Variants in CAMK2D observed in about 807,000 individuals in gnomAD.
CAMK2D encodes the protein calcium/calmodulin-dependent protein kinase type II subunit delta.
A neutral mutation model predicts 84.0 loss-of-function variants in CAMK2D; 37 were observed. The observed-to-expected ratio is 0.44, with a 90% CI of 0.34 to 0.58. The LOEUF (loss-of-function observed/expected upper bound fraction) is 0.58, where lower values mean the gene tolerates loss of function less well. Among genes scored for constraint, CAMK2D ranks in the 20% least tolerant of loss-of-function variants. CAMK2D has a pLI of 0.02. For missense variants in CAMK2D, 448 were observed against 652.5 expected (o/e 0.69, Z 3.41); for synonymous variants, 202 against 212.5 (o/e 0.95, Z 0.43).
At chr4:113,659,169 T>C (rs1033623253) in intron 3 of CAMK2D, among the ~76,000 whole-genome samples, 18 of 152,178 alleles carry the variant, frequency 1.2e-4, no homozygotes, top group African/African-American at 3.9e-4. Context: ...CTAGTTTCAT[T>C]ATCCACAAAA....
In CAMK2D at chr4:113,541,429, A is replaced by G. The variant is rs889860904; in HGVS notation, c.415-3986T>C. Among the ~76,000 whole-genome samples the G allele has an allele frequency of 2.6e-5, 4 of 152,348 alleles. No homozygotes were observed. In the South Asian group the frequency reaches 8.3e-4, roughly 32 times the overall value. Reference sequence around the variant, plus strand: ...AACTTATGAAAAAAACATAGTTTTAACCTTGCTTTACCAATTATCATAATC... The same window carrying G: ...AACTTATGAAAAAAACATAGTTTTAGCCTTGCTTTACCAATTATCATAATC... On this transcript the variant is annotated intron_variant, in intron 6 of 20. Transcript: ENST00000511664.
intron 5 of CAMK2D, chr4:113,548,816 T>A: frequency 3.1e-6 from 2 of 655,142 alleles, no homozygotes; most frequent in Non-Finnish European, 2.7e-6. Context: ...AAAGTCCCAA[T>A]GAAACAAACA....
At chr4:113,547,404 T>A (rs2098587184) in intron 6 of CAMK2D, among the ~76,000 whole-genome samples, 1 of 152,180 alleles carries the variant, frequency 6.6e-6, no homozygotes, top group Admixed American at 6.5e-5. Flanking sequence ...AAATATAGCA[T>A]CCTATTTATT....
In CAMK2D at chr4:113,617,908, T is replaced by TCATACACACACACACATA. The variant is rs11272530; in HGVS notation, c.221-8703_221-8702insTATGTGTGTGTGTGTATG. Among the ~76,000 whole-genome samples the TCATACACACACACACATA allele has an allele frequency of 5.5e-4, 83 of 150,176 alleles. 1 individual carries two copies. Among genetic ancestry groups the TCATACACACACACACATA allele is most frequent in the Middle Eastern group, 3.5e-3 (1 of 288 alleles). ...TTGCTTTGTGAAACTTTTGCTTGGGTCATACACACACACTCACACAACACA... is the reference window on the plus strand; with the variant it reads ...TTGCTTTGTGAAACTTTTGCTTGGGTCATACACACACACACATACATACACACACACTCACACAACACA... On this transcript the variant is annotated intron_variant, in intron 3 of 20. Transcript: ENST00000511664.
In CAMK2D at chr4:113,564,073, C is replaced by A. The variant is rs191567237; in HGVS notation, c.276-11977G>T. ...TGTGACTATTAAATGTCTACTTTTC[C>A]ATTTATAAAATGTTCCCTATATTAA... On this transcript the variant is annotated intron_variant, in intron 4 of 20. Coordinates refer to ENST00000511664, the MANE Select transcript of CAMK2D (RefSeq NM_001321571.2). Among the ~76,000 whole-genome samples the A allele has an allele frequency of 3.3e-5, 5 of 152,186 alleles. No individual in the cohort carries two copies. The East Asian group carries it at 9.7e-4, about 29-fold the overall frequency.
At chr4:113,478,556 T>C (rs2097659358) in intron 16 of CAMK2D, among the ~76,000 whole-genome samples, 1 of 152,208 alleles carries the variant, frequency 6.6e-6, no homozygotes, top group Non-Finnish European at 1.5e-5. Context: ...ACACTCTTCC[T>C]ACATTGGTCA....
intron 16 of CAMK2D, among the ~76,000 whole-genome samples, chr4:113,470,079 C>G (rs1443602665): frequency 6.6e-6 from 1 of 152,014 alleles, no homozygotes; most frequent in Non-Finnish European, 1.5e-5. Context: ...CTTCTAAAAC[C>G]TTCTCACTGC....
At chr4:113,703,291 T>A (rs2154349613) in intron 2 of CAMK2D, among the ~76,000 whole-genome samples, 1 of 152,156 alleles carries the variant, frequency 6.6e-6, no homozygotes, top group East Asian at 1.9e-4. Context: ...ACAGTAAAAT[T>A]TTAAAAATAG....
chr4:113,484,851 C>T (rs1369912139), intron 16 of CAMK2D, among the ~76,000 whole-genome samples: 3 of 152,148 alleles, frequency 2.0e-5, no homozygotes, highest in Non-Finnish European at 2.9e-5. Flanking sequence ...ATGATTCCTG[C>T]AGATGTAAGA....
intron 3 of CAMK2D, among the ~76,000 whole-genome samples, chr4:113,618,102 T>C (rs1294575773): frequency 3.3e-5 from 5 of 152,140 alleles, no homozygotes; most frequent in African/African-American, 9.7e-5. Context: ...CATTCCTGGA[T>C]GAATATGGCT....
In CAMK2D at chr4:113,513,408, TATGC is replaced by T. The variant is rs752786694; in HGVS notation, c.904-42_904-39del. ...TTAGAACACAAAAGTCAGTGTTGCC[TATGC>T]AAATTCTGGACCTAACAAATATAGA... On this transcript the variant is annotated intron_variant, in intron 11 of 20. Coordinates refer to ENST00000511664, the MANE Select transcript of CAMK2D (RefSeq NM_001321571.2). 9 of 1,346,282 alleles carry T rather than the reference TATGC, an allele frequency of 6.7e-6. No individual in the cohort carries two copies. The East Asian group carries it at 1.4e-4, about 21-fold the overall frequency. The allele number at this position is 1,346,282 out of a possible 1,614,324, so 83.4% of individuals were successfully genotyped here. A position where few individuals can be genotyped will look rare whatever the true frequency, so the allele number is the denominator to read the frequency against.
intron 9 of CAMK2D, 113 bp downstream of exon 9, chr4:113,517,450 A>C: frequency 3.9e-6 from 2 of 507,260 alleles, no homozygotes; most frequent in Non-Finnish European, 7.3e-6. Flanking sequence ...GAGGGAAATA[A>C]TATGAGAAAG....
chr4:113,465,670 A>G lies in CAMK2D; in HGVS notation c.1136-66T>C, dbSNP rs1005499410. Reference sequence around the variant, plus strand: ...AAAGTCATATTAAATATTCTTTTTCATTTTTAATTTTTGAGATAGGGTCTC... The same window carrying G: ...AAAGTCATATTAAATATTCTTTTTCGTTTTTAATTTTTGAGATAGGGTCTC... On this transcript the variant is annotated intron_variant, in intron 16 of 20. Coordinates refer to ENST00000511664, the MANE Select transcript of CAMK2D (RefSeq NM_001321571.2). The G allele has an allele frequency of 2.3e-5, 23 of 1,014,198 alleles. No homozygotes were observed. The African/African-American group carries it at 3.6e-4, about 16-fold the overall frequency. 62.8% of individuals were successfully genotyped at this position (1,014,198 alleles called of 1,614,324 possible). A position where few individuals can be genotyped will look rare whatever the true frequency, so the allele number is the denominator to read the frequency against.
chr4:113,700,774 G>C (rs1164244560), intron 2 of CAMK2D, among the ~76,000 whole-genome samples: 2 of 152,158 alleles, frequency 1.3e-5, no homozygotes, highest in Middle Eastern at 3.2e-3. Flanking sequence ...AGGCTCAGCT[G>C]TGTCTGCTGG....
At chr4:113,563,333 A>G (rs1022736830) in intron 4 of CAMK2D, among the ~76,000 whole-genome samples, 1 of 152,160 alleles carries the variant, frequency 6.6e-6, no homozygotes, top group Non-Finnish European at 1.5e-5. Context: ...TTACTGACAA[A>G]TGTTAAGTTA....
intron 4 of CAMK2D, among the ~76,000 whole-genome samples, chr4:113,560,627 A>G (rs2098693815): frequency 6.6e-6 from 1 of 152,202 alleles, no homozygotes; most frequent in African/African-American, 2.4e-5. Flanking sequence ...AAGAAGAATT[A>G]GCACAACTGG....
chr4:113,604,678 C>A (rs1043056222), intron 4 of CAMK2D, among the ~76,000 whole-genome samples: 8 of 152,182 alleles, frequency 5.3e-5, no homozygotes, highest in Non-Finnish European at 1.0e-4. Flanking sequence ...ATAACCCAAA[C>A]AAATACCATT....
At chr4:113,648,595 A>G (rs1190740056) in intron 3 of CAMK2D, among the ~76,000 whole-genome samples, 3 of 152,250 alleles carry the variant, frequency 2.0e-5, no homozygotes, top group Non-Finnish European at 4.4e-5. Flanking sequence ...TTTAGTGGAC[A>G]GAATGGGGGG....
At chr4:113,582,868 A>T (rs2098817099) in intron 4 of CAMK2D, among the ~76,000 whole-genome samples, 1 of 152,246 alleles carries the variant, frequency 6.6e-6, no homozygotes, top group Non-Finnish European at 1.5e-5. Context: ...CTCCCATGGC[A>T]TTCTGCCAGT....
Sources: gnomAD v4.1 joint callset for allele counts (sites outside exome capture counted in the v4.1 genomes callset) on GRCh38, gnomAD v4.1.1 for gene constraint, MANE v1.5 for transcripts, NCBI Gene and HGNC (gene_info 2026-07-23, HGNC 2026-07-21) for gene names.